KCNB2: variants seen among roughly 807,000 people sequenced by gnomAD.
KCNB2 encodes potassium voltage-gated channel subfamily B member 2.
KCNB2 carries 15 observed loss-of-function variants against 61.5 expected under a neutral mutation model. The observed-to-expected ratio is 0.24, with a 90% CI of 0.16 to 0.38. The LOEUF is 0.38. Among genes scored for constraint, KCNB2 ranks in the 10% least tolerant of loss-of-function variants. The probability of loss-of-function intolerance (pLI) is 1.00; values close to 1 mark genes in which losing one functional copy is unlikely to be tolerated. For synonymous variants in KCNB2, 457 were observed against 446.0 expected (o/e 1.02, Z -0.31); for missense variants, 828 against 1,125.2 (o/e 0.74, Z 3.78).
At chr8:72,788,099 G>A (rs928230644) in intron 2 of KCNB2, among the ~76,000 whole-genome samples, 1 of 152,124 alleles carries the variant, frequency 6.6e-6, no homozygotes, top group African/African-American at 2.4e-5. Flanking sequence ...TAAGGACTTG[G>A]CATTCTGTTC....
chr8:72,929,970 C>A (rs1806743916), intron 2 of KCNB2, among the ~76,000 whole-genome samples: 1 of 120,916 alleles, frequency 8.3e-6, no homozygotes, highest in Admixed American at 1.1e-4. Flanking sequence ...CCACAACAGG[C>A]CCCAGTGTGT....
chr8:72,836,172 G>A (rs746047425), intron 2 of KCNB2, among the ~76,000 whole-genome samples: 15 of 152,092 alleles, frequency 9.9e-5, no homozygotes, highest in African/African-American at 1.4e-4. Context: ...AGAAACCAGC[G>A]TTCAGTAAAA....
intron 2 of KCNB2, among the ~76,000 whole-genome samples, chr8:72,625,976 T>A (rs897205378): frequency 6.6e-6 from 1 of 152,100 alleles, no homozygotes; most frequent in Non-Finnish European, 1.5e-5. Flanking sequence ...AAAGCTTAAA[T>A]ACATAACTGC....
At chr8:72,890,721 C>G (rs546144047) in intron 2 of KCNB2, among the ~76,000 whole-genome samples, 5 of 152,198 alleles carry the variant, frequency 3.3e-5, no homozygotes, top group Admixed American at 6.5e-5. Context: ...TCAGGTAGTA[C>G]TAACATCAGG....
intron 2 of KCNB2, among the ~76,000 whole-genome samples, chr8:72,600,924 A>G (rs1431218119): frequency 2.6e-5 from 4 of 152,088 alleles, no homozygotes; most frequent in African/African-American, 9.7e-5. Context: ...AATAGTCAGT[A>G]CAATAAACCC....
chr8:72,614,849 A>G (rs1479283205), intron 2 of KCNB2, among the ~76,000 whole-genome samples: 1 of 152,196 alleles, frequency 6.6e-6, no homozygotes, highest in Non-Finnish European at 1.5e-5. Flanking sequence ...GAGATGCCAT[A>G]ACTTACATAT....
intron 1 of KCNB2, among the ~76,000 whole-genome samples, chr8:72,562,165 AG>A (rs1238150974): frequency 6.6e-6 from 1 of 152,094 alleles, no homozygotes; most frequent in Non-Finnish European, 1.5e-5. Context: ...AACTTTAGAA[AG>A]GTTTGCTTTT....
chr8:72,927,034 TC>T (rs1806664115), intron 2 of KCNB2, among the ~76,000 whole-genome samples: 1 of 152,192 alleles, frequency 6.6e-6, no homozygotes, highest in Non-Finnish European at 1.5e-5. Context: ...GCTGGGACTT[TC>T]CTTGGAGTTT....
At chr8:72,903,933 G>T (rs780778337) in intron 2 of KCNB2, among the ~76,000 whole-genome samples, 1 of 152,098 alleles carries the variant, frequency 6.6e-6, no homozygotes. Flanking sequence ...TGCTAAAGGG[G>T]AGATAAAACC....
chr8:72,677,595 C>A (rs753553151), intron 2 of KCNB2, among the ~76,000 whole-genome samples: 1 of 152,154 alleles, frequency 6.6e-6, no homozygotes, highest in Admixed American at 6.5e-5. Flanking sequence ...TTAACCTCCA[C>A]GCTGCCAAAT....
chr8:72,672,490 A>C (rs1806581072), intron 2 of KCNB2, among the ~76,000 whole-genome samples: 1 of 152,194 alleles, frequency 6.6e-6, no homozygotes, highest in Non-Finnish European at 1.5e-5. Flanking sequence ...TTGAGAAATA[A>C]TTCTAGTGGC....
At chr8:72,830,134 C>G (rs1809667752) in intron 2 of KCNB2, among the ~76,000 whole-genome samples, 1 of 148,062 alleles carries the variant, frequency 6.8e-6, no homozygotes, top group African/African-American at 2.5e-5. Flanking sequence ...CAGCCCACTT[C>G]ATCATAATCT....
intron 2 of KCNB2, among the ~76,000 whole-genome samples, chr8:72,818,230 C>A (rs1809436820): frequency 6.6e-6 from 1 of 151,982 alleles, no homozygotes; most frequent in African/African-American, 2.4e-5. Flanking sequence ...TAGTATGTAA[C>A]AAAAATATTA....
intron 2 of KCNB2, among the ~76,000 whole-genome samples, chr8:72,816,848 T>C (rs1367120290): frequency 6.6e-6 from 1 of 152,146 alleles, no homozygotes; most frequent in Non-Finnish European, 1.5e-5. Context: ...TCTTGCACAC[T>C]GTGACTCATC....
chr8:72,825,554 C>T (rs1429158970), intron 2 of KCNB2, among the ~76,000 whole-genome samples: 1 of 152,134 alleles, frequency 6.6e-6, no homozygotes. Context: ...CTCCCTGATG[C>T]TTGTTATTTT....
chr8:72,697,187 G>A (rs754992994), intron 2 of KCNB2, among the ~76,000 whole-genome samples: 1 of 152,130 alleles, frequency 6.6e-6, no homozygotes, highest in East Asian at 1.9e-4. Flanking sequence ...TGTGAAACAT[G>A]CCTTAGCCTT....
intron 2 of KCNB2, among the ~76,000 whole-genome samples, chr8:72,776,884 T>C (rs995000015): frequency 3.9e-5 from 6 of 152,244 alleles, no homozygotes; most frequent in African/African-American, 1.2e-4. Context: ...CCACCTTTGA[T>C]TGGAAAATGA....
At chr8:72,623,016 C>G (rs1805735458) in intron 2 of KCNB2, among the ~76,000 whole-genome samples, 1 of 151,938 alleles carries the variant, frequency 6.6e-6, no homozygotes, top group South Asian at 2.1e-4. Context: ...TCTGATTTTA[C>G]CAAAATCAGA....
chr8:72,736,054 A>G (rs147504429), intron 2 of KCNB2, among the ~76,000 whole-genome samples: 306 of 152,300 alleles, frequency 2.0e-3, no homozygotes, highest in African/African-American at 7.1e-3. Context: ...AACAACACTG[A>G]AAACTGAAAT....
Sources: allele counts gnomAD v4.1 joint callset (sites outside exome capture counted in the v4.1 genomes callset), GRCh38; gene constraint gnomAD v4.1.1; transcripts MANE v1.5; gene names NCBI Gene and HGNC (gene_info 2026-07-23, HGNC 2026-07-21).